The following MON2 variants were observed in gnomAD, a reference collection of about 807,000 sequenced individuals.
The protein encoded by MON2 is MON2 regulator of endosome-to-Golgi trafficking.
In MON2, 84 loss-of-function variants were observed where a neutral mutation model predicts 208.6. The observed-to-expected ratio is 0.40, with a 90% CI of 0.34 to 0.48. The LOEUF is 0.48. Ranked by LOEUF, MON2 falls within the 20% of genes least tolerant of loss-of-function variation. MON2 has a pLI of 0.59. For synonymous variants in MON2, 660 were observed against 694.0 expected (o/e 0.95, Z 0.77); for missense variants, 1,611 against 2,015.4 (o/e 0.80, Z 3.84).
chr12:62,587,954 C>A, intron 33 of MON2, 120 bp from the exon 34 acceptor site: 1 of 607,582 alleles, frequency 1.6e-6, no homozygotes, highest in Non-Finnish European at 2.9e-6. Context: ...ATTAACCTTG[C>A]ATTGTATTGT....
intron 21 of MON2, 71 bp downstream of exon 21, chr12:62,545,079 C>A: frequency 1.0e-6 from 1 of 969,890 alleles, no homozygotes; most frequent in Non-Finnish European, 1.5e-6. Flanking sequence ...TGATTTTTTT[C>A]TTATCAGGTA....
At position 62,543,271 on chromosome 12, in the gene MON2, C is replaced by T. The variant is rs918611575; in HGVS notation, c.2466+73C>T. The T allele has an allele frequency of 7.9e-6, 6 of 757,676 alleles. No individual in the cohort carries two copies. The African/African-American group carries it at 9.3e-5, about 12-fold the overall frequency. 46.9% of individuals were successfully genotyped at this position (757,676 alleles called of 1,614,324 possible). ...ACACTGAGCTAATGATTCTAAATAG[C>T]CATTTGAAAAATCAGCATTAACTTT... On this transcript the variant is annotated intron_variant, in intron 20 of 34. Coordinates refer to ENST00000393630, the MANE Select transcript of MON2 (RefSeq NM_015026.3).
chr12:62,514,302 T>C (rs1192886660), intron 8 of MON2, among the ~76,000 whole-genome samples: 3 of 152,208 alleles, frequency 2.0e-5, no homozygotes, highest in Non-Finnish European at 4.4e-5. Context: ...TTCCACATTT[T>C]TAGGTATCTT....
chr12:62,573,257 C>T (rs868592010), intron 30 of MON2, among the ~76,000 whole-genome samples: 9 of 152,148 alleles, frequency 5.9e-5, no homozygotes, highest in East Asian at 3.8e-4. Flanking sequence ...TGAGTTCCTT[C>T]GTAGACATAA....
chr12:62,518,925 G>A (rs774412493), intron 8 of MON2, among the ~76,000 whole-genome samples: 4 of 152,200 alleles, frequency 2.6e-5, no homozygotes, highest in Non-Finnish European at 5.9e-5. Context: ...GCAAAAGTTA[G>A]ATGCCTGGTA....
chr12:62,518,807 G>A (rs2071841271), intron 8 of MON2, among the ~76,000 whole-genome samples: 1 of 152,134 alleles, frequency 6.6e-6, no homozygotes, highest in African/African-American at 2.4e-5. Context: ...AGTTGGCAAA[G>A]TTGAGATTTT....
At chr12:62,487,338 C>T (rs1292007570) in intron 2 of MON2, among the ~76,000 whole-genome samples, 1 of 151,962 alleles carries the variant, frequency 6.6e-6, no homozygotes, top group East Asian at 1.9e-4. Flanking sequence ...CTTTGTTATA[C>T]AAGAATTACA....
In MON2 at chr12:62,553,079, G is replaced by T. The variant is rs2136308642; in HGVS notation, c.3115G>T (p.Ala1039Ser). The part of the protein sequence containing the change: ...LGELCVDPRP[A>S]VRKSAGQTLF... ...TGAACTATGTGTGGATCCCCGTCCTGCTGTCAGGAAGAGTGCAGGGCAAAC... is the reference window on the plus strand; with the variant it reads ...TGAACTATGTGTGGATCCCCGTCCTTCTGTCAGGAAGAGTGCAGGGCAAAC... The change falls in exon 24 of 35, where the codon GCT becomes TCT. Residue 1039 changes from alanine to serine, a missense_variant. Transcript: ENST00000393630. 2 of 1,614,080 alleles carry T rather than the reference G, an allele frequency of 1.2e-6. No individual in the cohort carries two copies. The highest frequency in any genetic ancestry group is 2.7e-5 in the African/African-American group (2 of 75,012).
intron 14 of MON2, among the ~76,000 whole-genome samples, chr12:62,536,295 T>C (rs555585602): frequency 1.9e-4 from 29 of 152,204 alleles, no homozygotes; most frequent in Non-Finnish European, 3.8e-4. Flanking sequence ...TTCAAAAATT[T>C]ATTTTCTTGT....
chr12:62,503,656 C>T (rs1001924978), intron 7 of MON2, among the ~76,000 whole-genome samples: 1 of 152,190 alleles, frequency 6.6e-6, no homozygotes, highest in African/African-American at 2.4e-5. Context: ...ATTCCTTGAT[C>T]TTGTTTCTTT....
Position 62,526,066 on chromosome 12 carries a change from T to C in MON2, c.1364T>C (p.Leu455Pro). Reference sequence around the variant, plus strand: ...TATAGGGGAACCTGGATACCTATTCTGACAATCACAGTTCAAGGCAGTGCT... The same window carrying C: ...TATAGGGGAACCTGGATACCTATTCCGACAATCACAGTTCAAGGCAGTGCT... ...FEYRGTWIPI[L>P]TITVQGSAKA... Residue 455 changes from leucine (L) to proline (P), a missense_variant, in exon 11 of 35, where the codon CTG becomes CCG. Coordinates refer to ENST00000393630, the MANE Select transcript of MON2 (RefSeq NM_015026.3). 6.2e-7 allele frequency: 1 copy of C among 1,613,948 alleles called. No individual in the cohort carries two copies. The highest frequency in any genetic ancestry group is 1.1e-5 in the South Asian group (1 of 91,076).
At chr12:62,557,015 G>T (rs532079970) in intron 25 of MON2, among the ~76,000 whole-genome samples, 1 of 152,206 alleles carries the variant, frequency 6.6e-6, no homozygotes, top group Non-Finnish European at 1.5e-5. Flanking sequence ...AGCCTGGGAT[G>T]TGGAGGTTGC....
chr12:62,507,310 TTTTTC>T (rs1396611544), intron 7 of MON2, among the ~76,000 whole-genome samples: 4 of 148,118 alleles, frequency 2.7e-5, no homozygotes, highest in Admixed American at 2.0e-4. Context: ...TTTCTTTTTC[TTTTTC>T]TTTTTTTTTT....
chr12:62,467,745 G>A (rs991446626), intron 1 of MON2, among the ~76,000 whole-genome samples: 1 of 152,112 alleles, frequency 6.6e-6, no homozygotes, highest in African/African-American at 2.4e-5. Flanking sequence ...TTTCCTTCTG[G>A]TATATATCAT....
At chr12:62,562,627 T>C (rs932777541) in intron 26 of MON2, among the ~76,000 whole-genome samples, 1 of 152,090 alleles carries the variant, frequency 6.6e-6, no homozygotes, top group Admixed American at 6.6e-5. Flanking sequence ...TGTTTTTATA[T>C]TTTTTTCCAC....
At chr12:62,572,357 T>A (rs1224263395) in intron 30 of MON2, among the ~76,000 whole-genome samples, 1 of 152,202 alleles carries the variant, frequency 6.6e-6, no homozygotes, top group Non-Finnish European at 1.5e-5. Context: ...AAGCGTGCCC[T>A]TTTACTAAAT....
At position 62,585,415 on chromosome 12, in the gene MON2, A is replaced by G. The variant is rs1032341330; in HGVS notation, c.4821A>G (p.Ala1607=). ...TPQEGYISRM[A]LSVLLKRSQD... is the part of the protein sequence containing the mutation. Reference sequence around the variant, plus strand: ...AAGAAGGCTACATCTCACGAATGGCACTCTCAGTGCTTTTAAAGAGGTCCC... The same window carrying G: ...AAGAAGGCTACATCTCACGAATGGCGCTCTCAGTGCTTTTAAAGAGGTCCC... Residue 1607 remains alanine, a synonymous_variant, in exon 33 of 35, where the codon GCA becomes GCG. Coordinates refer to ENST00000393630, the MANE Select transcript of MON2 (RefSeq NM_015026.3). 1.2e-6 allele frequency: 2 copies of G among 1,613,612 alleles called. No homozygotes were observed. The highest frequency in any genetic ancestry group is 1.7e-6 in the Non-Finnish European group (2 of 1,179,736).
chr12:62,491,314 T>G (rs573868550), intron 2 of MON2, among the ~76,000 whole-genome samples: 46 of 152,178 alleles, frequency 3.0e-4, no homozygotes, highest in Non-Finnish European at 5.9e-4. Flanking sequence ...CCCAGTGCTG[T>G]TTATGGCCCA....
chr12:62,581,807 G>A (rs1302765510), intron 32 of MON2, among the ~76,000 whole-genome samples: 3 of 152,140 alleles, frequency 2.0e-5, no homozygotes, highest in Admixed American at 2.0e-4. Flanking sequence ...TCCAGCCTGG[G>A]CGACAGAGCG....
Sources: allele counts gnomAD v4.1 joint callset (sites outside exome capture counted in the v4.1 genomes callset), GRCh38; gene constraint gnomAD v4.1.1; transcripts MANE v1.5; gene names NCBI Gene and HGNC (gene_info 2026-07-23, HGNC 2026-07-21).